COL23A1: variants seen among roughly 807,000 people sequenced by gnomAD.
COL23A1 encodes collagen alpha-1(XXIII) chain.
A neutral mutation model predicts 99.3 loss-of-function variants in COL23A1; 97 were observed. That is an observed-to-expected ratio of 0.98 (90% confidence interval 0.83 to 1.16). COL23A1 has a LOEUF of 1.16. COL23A1 is among the 50% of genes most tolerant of loss of function. The pLI is 0.00. For synonymous variants in COL23A1, 320 were observed against 308.2 expected (o/e 1.04, Z -0.40); for missense variants, 762 against 757.4 (o/e 1.01, Z -0.07).
chr5:178,274,650 T>A (rs978410429), intron 5 of COL23A1, among the ~76,000 whole-genome samples: 7 of 152,038 alleles, frequency 4.6e-5, no homozygotes, highest in African/African-American at 1.7e-4. Context: ...AGCTGCCCCG[T>A]TCCTCTCCCA....
intron 2 of COL23A1, among the ~76,000 whole-genome samples, chr5:178,381,024 G>C (rs1441825585): frequency 2.6e-5 from 4 of 152,220 alleles, no homozygotes; most frequent in African/African-American, 7.2e-5. Flanking sequence ...TCATCGTCAA[G>C]TCCTAATTTT....
At position 178,313,284 on chromosome 5, in the gene COL23A1, C is replaced by T. The variant is rs1226445002; in HGVS notation, c.362-6365G>A. Among the ~76,000 whole-genome samples, 1 of 152,028 alleles carries T rather than the reference C, an allele frequency of 6.6e-6. No homozygotes were observed. The highest frequency in any genetic ancestry group is 1.5e-5 in the Non-Finnish European group (1 of 68,008). ...AGAGGGATGGTGGTGGTGACGGGTG[C>T]GTGACAATGTGAACATACTGAATGC... On this transcript the variant is annotated intron_variant, in intron 2 of 28. Coordinates refer to ENST00000390654, the MANE Select transcript of COL23A1 (RefSeq NM_173465.4). This position sits in a 1 kb window ranked among gnomAD's most constrained non-coding sequence, Gnocchi z 4.2.
At chr5:178,360,076 G>T (rs745451837) in intron 2 of COL23A1, among the ~76,000 whole-genome samples, 4 of 152,188 alleles carry the variant, frequency 2.6e-5, no homozygotes, top group Non-Finnish European at 5.9e-5. Context: ...CTCTTCCGTG[G>T]TCCCATAAGC....
intron 2 of COL23A1, among the ~76,000 whole-genome samples, chr5:178,400,319 A>T (rs1479429190): frequency 2.8e-5 from 4 of 140,494 alleles, no homozygotes; most frequent in African/African-American, 1.1e-4. Context: ...GTGAGCCGAG[A>T]TCGCGCCACT....
Position 178,384,376 on chromosome 5 carries a change from G to C in COL23A1, c.362-77457C>G, listed in dbSNP as rs1763554583. 6.6e-6 allele frequency among the ~76,000 whole-genome samples: 1 copy of C among 152,228 alleles called. No individual in the cohort carries two copies. On this transcript the variant is annotated intron_variant, in intron 2 of 28. Coordinates refer to ENST00000390654, the MANE Select transcript of COL23A1 (RefSeq NM_173465.4). This position sits in a 1 kb window ranked among gnomAD's most constrained non-coding sequence, Gnocchi z 5.5. ...GGTGTTGGCTGCTCAGTCTTGACAT[G>C]AGGTGAAGCCTCAGGAAAGCCCGGG...
chr5:178,402,581 G>T (rs1396884452), intron 2 of COL23A1, among the ~76,000 whole-genome samples: 2 of 152,074 alleles, frequency 1.3e-5, no homozygotes, highest in Non-Finnish European at 2.9e-5. Context: ...CTAGCAAAAA[G>T]AAAAGATAAC....
chr5:178,327,475 A>T (rs536978951), intron 2 of COL23A1, among the ~76,000 whole-genome samples: 1 of 151,682 alleles, frequency 6.6e-6, no homozygotes, highest in African/African-American at 2.4e-5. Context: ...CTTCATGGCC[A>T]CTCCAGGGCC....
At chr5:178,305,962 C>T (rs1452305048) in intron 3 of COL23A1, among the ~76,000 whole-genome samples, 3 of 152,094 alleles carry the variant, frequency 2.0e-5, no homozygotes, top group East Asian at 1.9e-4. Context: ...GGGGGAGATG[C>T]TGGCTTCGGC....
intron 2 of COL23A1, among the ~76,000 whole-genome samples, chr5:178,540,993 A>G (rs899827028): frequency 2.6e-5 from 4 of 152,234 alleles, no homozygotes; most frequent in Non-Finnish European, 4.4e-5. Context: ...TTTATTTTTA[A>G]GGGAATTGTC....
chr5:178,533,863 G>T (rs1213256207), intron 2 of COL23A1, among the ~76,000 whole-genome samples: 2 of 151,986 alleles, frequency 1.3e-5, no homozygotes. Context: ...AAAATATTTT[G>T]TATCATTCGT....
chr5:178,356,447 T>C (rs760387128), intron 2 of COL23A1, among the ~76,000 whole-genome samples: 9 of 151,950 alleles, frequency 5.9e-5, no homozygotes, highest in African/African-American at 1.9e-4. Context: ...GGGCATTTGT[T>C]TGAGGTATGT....
intron 2 of COL23A1, among the ~76,000 whole-genome samples, chr5:178,443,879 C>T (rs892215247): frequency 1.1e-4 from 17 of 152,022 alleles, no homozygotes; most frequent in Non-Finnish European, 2.2e-4. Flanking sequence ...TAACATATGG[C>T]CACTTATAAA....
chr5:178,348,562 C>T (rs1419253858), intron 2 of COL23A1, among the ~76,000 whole-genome samples: 2 of 152,228 alleles, frequency 1.3e-5, no homozygotes, highest in Non-Finnish European at 2.9e-5. Flanking sequence ...CATACCCTCA[C>T]AGCGGCTTCC....
At chr5:178,522,647 A>G (rs1435922553) in intron 2 of COL23A1, among the ~76,000 whole-genome samples, 1 of 152,186 alleles carries the variant, frequency 6.6e-6, no homozygotes, top group South Asian at 2.1e-4. Flanking sequence ...GTATCTGAGG[A>G]CAACGGGGAC....
At chr5:178,419,308 A>G (rs1345431396) in intron 2 of COL23A1, among the ~76,000 whole-genome samples, 2 of 152,224 alleles carry the variant, frequency 1.3e-5, no homozygotes, top group African/African-American at 4.8e-5. Flanking sequence ...CCGAAGAGCC[A>G]GTCGCATGGA....
At chr5:178,537,286 G>A (rs1761024590) in intron 2 of COL23A1, among the ~76,000 whole-genome samples, 1 of 152,228 alleles carries the variant, frequency 6.6e-6, no homozygotes, top group East Asian at 1.9e-4. Context: ...GCACCCTCAG[G>A]GTCTGCCAGT....
intron 2 of COL23A1, among the ~76,000 whole-genome samples, chr5:178,356,037 T>C (rs1316056919): frequency 6.6e-6 from 1 of 152,206 alleles, no homozygotes; most frequent in Admixed American, 6.5e-5. Context: ...TTTCTTGAAG[T>C]ATAAAACGCA....
At chr5:178,321,810 C>A (rs1256439325) in intron 2 of COL23A1, among the ~76,000 whole-genome samples, 1 of 150,042 alleles carries the variant, frequency 6.7e-6, no homozygotes, top group Non-Finnish European at 1.5e-5. Context: ...CTTTTTAAGG[C>A]TGAATCATAC....
At chr5:178,582,352 G>T (rs1763706699) in intron 1 of COL23A1, among the ~76,000 whole-genome samples, 1 of 152,162 alleles carries the variant, frequency 6.6e-6, no homozygotes, top group Non-Finnish European at 1.5e-5. Context: ...ACGTCAAGGG[G>T]CAAGAATGCG....
Sources: gnomAD v4.1 joint callset for allele counts (sites outside exome capture counted in the v4.1 genomes callset) on GRCh38, gnomAD v4.1.1 for gene constraint, Gnocchi (gnomAD v3.1) non-coding constraint, MANE v1.5 for transcripts, NCBI Gene and HGNC (gene_info 2026-07-23, HGNC 2026-07-21) for gene names.